The following HARS1 variants were observed in gnomAD, a reference collection of about 807,000 sequenced individuals.
HARS1 encodes histidyl-tRNA synthetase 1.
A neutral mutation model predicts 63.6 loss-of-function variants in HARS1; 45 were observed. The observed-to-expected ratio is 0.71, with a 90% CI of 0.56 to 0.91. HARS1 has a LOEUF of 0.91. HARS1 is among the 40% of genes least tolerant of loss of function. The pLI, the probability that HARS1 is intolerant of heterozygous loss-of-function variation, is 0.00. For synonymous variants in HARS1, 205 were observed against 247.1 expected (o/e 0.83, Z 1.60); for missense variants, 508 against 643.2 (o/e 0.79, Z 2.27).
rs1758398047 is a variant in HARS1 at position 140,676,819 on chromosome 5, G to A, written c.1029C>T (p.Thr343=). The A allele has an allele frequency of 1.2e-6, 2 of 1,614,228 alleles. No homozygotes were observed. The highest frequency in any genetic ancestry group is 1.7e-6 in the Non-Finnish European group (2 of 1,180,040). The change falls in exon 10 of 13, where the codon ACC becomes ACT. Residue 343 remains threonine, a synonymous_variant. Transcript: ENST00000504156. The surrounding 1 kb of genome is among the most constrained non-coding windows in gnomAD (Gnocchi z 4.1). The part of the protein sequence containing the change: ...GVIYEAVLLQ[T]PAQAGEEPLG... ...GGGGCTCTTCCCCTGCCTGGGCTGG[G>A]GTCTGTAGCAGCACTGCCTCATAGA...
chr5:140,676,420 C>A lies in HARS1; in HGVS notation c.1194+234G>T. 1.9e-6 allele frequency: 1 copy of A among 537,042 alleles called. No homozygotes were observed. Among genetic ancestry groups the A allele is most frequent in the Non-Finnish European group, 3.3e-6 (1 of 301,964 alleles). The allele number at this position is 537,042 out of a possible 1,614,324, so 33.3% of individuals were successfully genotyped here. A position where few individuals can be genotyped will look rare whatever the true frequency, so the allele number is the denominator to read the frequency against. ...TACACCAGCCCAGGTTTGTGACAGCCCTGAAGGAAGTAGAGACCCAGAGCA... is the reference window on the plus strand; with the variant it reads ...TACACCAGCCCAGGTTTGTGACAGCACTGAAGGAAGTAGAGACCCAGAGCA... On this transcript the variant is annotated intron_variant, in intron 10 of 12. Transcript: ENST00000504156. The surrounding 1 kb of genome is among the most constrained non-coding windows in gnomAD (Gnocchi z 4.1).
chr5:140,676,824 G>A lies in HARS1; in HGVS notation c.1024C>T (p.Gln342Ter). ...TCTTCCCCTGCCTGGGCTGGGGTCT[G>A]TAGCAGCACTGCCTCATAGATCACC... Reference protein sequence around the residue: ...TGVIYEAVLLQTPAQAGEEPL... With the variant: ...TGVIYEAVLL Residue 342 changes from glutamine to a stop codon, truncating the protein, a stop_gained, in exon 10 of 13, where the codon CAG becomes TAG. Coordinates refer to ENST00000504156, the MANE Select transcript of HARS1 (RefSeq NM_002109.6). LOFTEE classifies it high-confidence loss of function. The surrounding 1 kb of genome is among the most constrained non-coding windows in gnomAD (Gnocchi z 4.1). The A allele has an allele frequency of 6.2e-7, 1 of 1,614,266 alleles. No individual in the cohort carries two copies. Among genetic ancestry groups the A allele is most frequent in the South Asian group, 1.1e-5 (1 of 91,088 alleles).
chr5:140,674,627 C>A (rs1758245572), intron 12 of HARS1, 52 bp downstream of exon 12: 8 of 1,605,728 alleles, frequency 5.0e-6, no homozygotes, highest in Non-Finnish European at 6.8e-6. Flanking sequence ...CATGGGCCTG[C>A]CAAAATGGCA....
rs892670128 is a variant in HARS1, at chr5:140,677,360, C to A, written c.790G>T (p.Ala264Ser). 9.3e-6 allele frequency: 15 copies of A among 1,613,674 alleles called. No individual in the cohort carries two copies. Among genetic ancestry groups the A allele is most frequent in the Non-Finnish European group, 1.3e-5 (15 of 1,179,678 alleles). The change falls in exon 8 of 13, where the codon GCT (alanine) becomes TCT (serine). Residue 264 changes from alanine (A) to serine (S), a missense_variant. This residue lies in a region of HARS1 where 403 missense variants were observed against 548.7 expected (regional missense o/e 0.73). Transcript: ENST00000504156. ...VGEKGLAPEV[A>S]DRIGDYVQQH... ...TGGACATAGTCCCCAATGCGGTCAGCCACCTCAGGTGCAAGGCCCTTCTCT... is the reference window on the plus strand; with the variant it reads ...TGGACATAGTCCCCAATGCGGTCAGACACCTCAGGTGCAAGGCCCTTCTCT...
Position 140,691,224 on chromosome 5 carries a change from G to A in HARS1, c.81C>T (p.Ser27=), listed in dbSNP as rs1444980163. The A allele has an allele frequency of 6.2e-7, 1 of 1,603,016 alleles. No homozygotes were observed. The highest frequency in any genetic ancestry group is 8.5e-7 in the Non-Finnish European group (1 of 1,176,346). ...GCTGCCTAAATCTCACCAGCTCGGC[G>A]CTGGCCTTCTGCTGCTTGAGGCCTC... The part of the protein sequence containing the change: ...RVRGLKQQKA[S]AELIEEEVAK... The change falls in exon 1 of 13, where the codon AGC becomes AGT. Residue 27 remains serine (S), a synonymous_variant. Transcript: ENST00000504156.
chr5:140,675,096 A>T lies in HARS1; in HGVS notation c.1232T>A (p.Val411Glu). The T allele has an allele frequency of 6.2e-7, 1 of 1,612,168 alleles. No individual in the cohort carries two copies. The highest frequency in any genetic ancestry group is 8.5e-7 in the Non-Finnish European group (1 of 1,178,976). The stretch of plus-strand genomic sequence containing the variant: ...CTTCTTCTGTGCAGATGCCACAAGC[A>T]CCTGTGTCTCCGTGGTCCGTATCTT... ...EEKIRTTETQVLVASAQKKLL... is the reference protein window; with the variant it reads ...EEKIRTTETQELVASAQKKLL... Residue 411 changes from valine to glutamate, a missense_variant, in exon 11 of 13, where the codon GTG (valine) becomes GAG (glutamate). Val to Glu is a moderately radical substitution (Grantham distance 121). Transcript: ENST00000504156.
In HARS1 at chr5:140,676,496, A is replaced by G; in HGVS notation, c.1194+158T>C. 1 of 770,724 alleles carries G rather than the reference A, an allele frequency of 1.3e-6. No individual in the cohort carries two copies. Among genetic ancestry groups the G allele is most frequent in the Non-Finnish European group, 2.2e-6 (1 of 465,106 alleles). The allele number at this position is 770,724 out of a possible 1,614,324, so 47.7% of individuals were successfully genotyped here. A position where few individuals can be genotyped will look rare whatever the true frequency, so the allele number is the denominator to read the frequency against. On this transcript the variant is annotated intron_variant, in intron 10 of 12. Transcript: ENST00000504156. This position sits in a 1 kb window ranked among gnomAD's most constrained non-coding sequence, Gnocchi z 4.1. The stretch of plus-strand genomic sequence containing the variant: ...GATTAAAGATCCATAAAACTTACAT[A>G]TAATGGGGTAGAAATCTGTGAAAAA...
chr5:140,690,653 A>T (rs1434936701), intron 2 of HARS1, among the ~76,000 whole-genome samples: 1 of 152,196 alleles, frequency 6.6e-6, no homozygotes, highest in Admixed American at 6.5e-5. Flanking sequence ...CTGATCACCC[A>T]GCTGGCCTAG....
chr5:140,679,007 G>A lies in HARS1; in HGVS notation c.517C>T (p.Gln173Ter). The change falls in exon 5 of 13, where the codon CAG becomes TAG. Residue 173 changes from glutamine to a stop codon, truncating the protein, a stop_gained. Coordinates refer to ENST00000504156, the MANE Select transcript of HARS1 (RefSeq NM_002109.6). LOFTEE classifies it high-confidence loss of function. The surrounding 1 kb of genome is among the most constrained non-coding windows in gnomAD (Gnocchi z 4.3). ...MTRGRYREFY[Q>*]CDFDIAGNFD... ...CACGGTTTCCCAACACTCACACACT[G>A]GTAGAATTCCCGGTATCGGCCACGG... The A allele has an allele frequency of 6.2e-7, 1 of 1,613,798 alleles. No individual in the cohort carries two copies. Among genetic ancestry groups the A allele is most frequent in the Non-Finnish European group, 8.5e-7 (1 of 1,179,812 alleles).
chr5:140,676,887 C>T lies in HARS1; in HGVS notation c.961G>A (p.Asp321Asn), dbSNP rs1479741739. 6.2e-7 allele frequency: 1 copy of T among 1,613,410 alleles called. No homozygotes were observed. The highest frequency in any genetic ancestry group is 1.1e-5 in the South Asian group (1 of 91,048). The change falls in exon 10 of 13, where the codon GAC becomes AAC. Residue 321 changes from aspartate to asparagine, a missense_variant. Transcript: ENST00000504156. The surrounding 1 kb of genome is among the most constrained non-coding windows in gnomAD (Gnocchi z 4.1). ...TCCAGCCCTCGAGCAAGGCTCAGGTCAAAGGAGATCTGTGGAGATAAGAAA... is the reference window on the plus strand; with the variant it reads ...TCCAGCCCTCGAGCAAGGCTCAGGTTAAAGGAGATCTGTGGAGATAAGAAA... ...LFGIDDKISF[D>N]LSLARGLDYY...
At chr5:140,682,291 A>C (rs1025243992) in intron 3 of HARS1, among the ~76,000 whole-genome samples, 2 of 152,148 alleles carry the variant, frequency 1.3e-5, no homozygotes, top group Non-Finnish European at 2.9e-5. Context: ...AATCATGCAA[A>C]GAGCTAAGGA....
At chr5:140,690,668 T>C (rs1162114913) in intron 2 of HARS1, among the ~76,000 whole-genome samples, 187 bp downstream of exon 2, 1 of 152,200 alleles carries the variant, frequency 6.6e-6, no homozygotes, top group Non-Finnish European at 1.5e-5. Flanking sequence ...GCCTAGTTTC[T>C]GCCATCACTT....
chr5:140,676,738 G>A lies in HARS1; in HGVS notation c.1110C>T (p.Phe370=), dbSNP rs761267344. ...ATGGCACCTTGCGCCCTTTGGGGTC[G>A]AACATGCCCACTAGCCCATCATAGC... ...GGRYDGLVGM[F]DPKGRKVPCV... is the part of the protein sequence containing the mutation. The change falls in exon 10 of 13, where the codon TTC becomes TTT. Residue 370 remains phenylalanine (F), a synonymous_variant. Coordinates refer to ENST00000504156, the MANE Select transcript of HARS1 (RefSeq NM_002109.6). This position sits in a 1 kb window ranked among gnomAD's most constrained non-coding sequence, Gnocchi z 4.1. 1.4e-4 allele frequency: 223 copies of A among 1,614,040 alleles called. No homozygotes were observed. The highest frequency in any genetic ancestry group is 1.8e-4 in the Non-Finnish European group (216 of 1,180,034).
At chr5:140,682,837 C>G (rs149821411) in intron 3 of HARS1, 2 of 356,396 alleles carry the variant, frequency 5.6e-6, no homozygotes, top group Non-Finnish European at 5.0e-6. Flanking sequence ...ACAGATGCCA[C>G]GCAATACAAT....
At position 140,675,408 on chromosome 5, in the gene HARS1, CT is replaced by C. The variant is rs532733339; in HGVS notation, c.1195-276del. 0.084 allele frequency: 18,478 copies of C among 218,794 alleles called. 75 individuals are homozygous for C. Among genetic ancestry groups the C allele is most frequent in the South Asian group, 0.15 (2,118 of 13,724 alleles). The allele number at this position is 218,794 out of a possible 1,614,324, so 13.6% of individuals were successfully genotyped here. ...CTTCAAGCTTATCTCCATGTAGTACCTTTTTTTTTTTTTTGAGACAGGGTCT... is the reference window on the plus strand; with the variant it reads ...CTTCAAGCTTATCTCCATGTAGTACCTTTTTTTTTTTTTGAGACAGGGTCT... On this transcript the variant is annotated intron_variant, in intron 10 of 12. Transcript: ENST00000504156.
chr5:140,687,635 A>G (rs1393384780), intron 2 of HARS1: 1 of 150,856 alleles, frequency 6.6e-6, no homozygotes, highest in Non-Finnish European at 1.5e-5. Flanking sequence ...TAATTAATTA[A>G]TTTATTTATT....
At chr5:140,689,668 G>C (rs1054949539) in intron 2 of HARS1, among the ~76,000 whole-genome samples, 1 of 152,188 alleles carries the variant, frequency 6.6e-6, no homozygotes, top group African/African-American at 2.4e-5. Context: ...ATCTGTGAAT[G>C]TGGGACCTTG....
chr5:140,681,043 A>C (rs777286333), intron 3 of HARS1, among the ~76,000 whole-genome samples: 42 of 152,202 alleles, frequency 2.8e-4, no homozygotes, highest in Non-Finnish European at 5.7e-4. Context: ...GCATTACAGC[A>C]GTCCTTGCCC....
At chr5:140,690,518 T>A (rs548145389) in intron 2 of HARS1, among the ~76,000 whole-genome samples, 6 of 152,266 alleles carry the variant, frequency 3.9e-5, no homozygotes, top group Admixed American at 1.3e-4. Flanking sequence ...GAATGTAAGC[T>A]CCATGAGGGT....
Sources: gnomAD v4.1 joint callset for allele counts (sites outside exome capture counted in the v4.1 genomes callset) on GRCh38, gnomAD v4.1.1 for gene constraint, gnomAD v4.1.1 regional missense constraint, Gnocchi (gnomAD v3.1) non-coding constraint, MANE v1.5 for transcripts, NCBI Gene and HGNC (gene_info 2026-07-23, HGNC 2026-07-21) for gene names.